The following CRB2 variants were observed in gnomAD, a reference collection of about 807,000 sequenced individuals.
The protein encoded by CRB2 is crumbs cell polarity complex component 2.
A neutral mutation model predicts 110.9 loss-of-function variants in CRB2; 85 were observed. That is an observed-to-expected ratio of 0.77 (90% confidence interval 0.64 to 0.92). CRB2 has a LOEUF of 0.92. Among genes scored for constraint, CRB2 ranks in the 40% least tolerant of loss-of-function variants. The pLI is 0.00. For synonymous variants in CRB2, 907 were observed against 831.0 expected (o/e 1.09, Z -1.57); for missense variants, 1,843 against 1,851.3 (o/e 1.00, Z 0.08).
chr9:123,367,113 T>C, intron 4 of CRB2, 59 bp from the exon 5 acceptor site: 1 of 1,492,096 alleles, frequency 6.7e-7, no homozygotes, highest in Non-Finnish European at 8.9e-7. Context: ...CTGGTCATAG[T>C]GAAGAGGTGC....
At chr9:123,367,868 C>G (rs986820220) in intron 6 of CRB2, among the ~76,000 whole-genome samples, 182 bp downstream of exon 6, 38 of 152,004 alleles carry the variant, frequency 2.5e-4, no homozygotes, top group African/African-American at 9.2e-4. Context: ...GAGACTGGGG[C>G]TCAGGAGTGT....
Position 123,371,557 on chromosome 9 carries a change from C to T in CRB2, c.2415C>T (p.Cys805=), listed in dbSNP as rs373236875. ...GRQSWNLTAG[C]VSEDMCSPDP... ...AGTCCTGGAACCTCACTGCGGGCTG[C>T]GTCTCCGAGGACATGTGCAGTGTAA... Residue 805 remains cysteine, a synonymous_variant, in exon 8 of 13, where the codon TGC becomes TGT. Transcript: ENST00000373631. 58 of 1,612,872 alleles carry T rather than the reference C, an allele frequency of 3.6e-5. No individual in the cohort carries two copies. The highest frequency in any genetic ancestry group is 4.4e-5 in the South Asian group (4 of 91,088).
At position 123,364,320 on chromosome 9, in the gene CRB2, G is replaced by A. The variant is rs111988487; in HGVS notation, c.418+1132G>A. ...TGCATGTGTGGGCAGTGGGTTGTTC[G>A]GGCAGTGGGTTGTGTGGGCAGTGGG... On this transcript the variant is annotated intron_variant, in intron 2 of 12. Transcript: ENST00000373631. 1.6e-3 allele frequency among the ~76,000 whole-genome samples: 237 copies of A among 152,056 alleles called. 1 individual carries two copies. The highest frequency in any genetic ancestry group is 5.5e-3 in the African/African-American group (230 of 41,500).
intron 4 of CRB2, among the ~76,000 whole-genome samples, 167 bp downstream of exon 4, chr9:123,366,533 C>T (rs886451569): frequency 1.3e-5 from 2 of 152,214 alleles, no homozygotes; most frequent in Non-Finnish European, 1.5e-5. Context: ...TCCTGATCTA[C>T]AAAATAGGGC....
At position 123,367,337 on chromosome 9, in the gene CRB2, A is replaced by G; in HGVS notation, c.920A>G (p.His307Arg). ...CGCCATGCTGCGGGTTTCCTGTGCC[A>G]CTGCCCTCCTGGCTTTGAGGGTGAG... ...SFRHAAGFLC[H>R]CPPGFEGADC... The change falls in exon 5 of 13, where the codon CAC (histidine) becomes CGC (arginine). Residue 307 changes from histidine (H) to arginine (R), a missense_variant. His to Arg is a conservative substitution (Grantham distance 29). Transcript: ENST00000373631. The G allele has an allele frequency of 5.6e-6, 9 of 1,603,026 alleles. No homozygotes were observed. The highest frequency in any genetic ancestry group is 7.6e-6 in the Non-Finnish European group (9 of 1,179,550).
intron 6 of CRB2, among the ~76,000 whole-genome samples, chr9:123,369,269 C>G (rs1038758925): frequency 2.0e-5 from 3 of 152,190 alleles, no homozygotes; most frequent in Admixed American, 6.5e-5. Flanking sequence ...GGTACTTGCA[C>G]TACCCCACTA....
chr9:123,376,410 A>C (rs1277741119), intron 12 of CRB2, among the ~76,000 whole-genome samples: 1 of 152,106 alleles, frequency 6.6e-6, no homozygotes, highest in Non-Finnish European at 1.5e-5. Context: ...AGCTGTCATA[A>C]CAGCCCCTCG....
chr9:123,374,534 G>A (rs749629574), intron 10 of CRB2, 45 bp from the exon 11 acceptor site: 2 of 1,433,480 alleles, frequency 1.4e-6, no homozygotes, highest in Admixed American at 3.4e-5. Context: ...GGGAGGGCAG[G>A]TCCCAGGTGT....
Position 123,377,179 on chromosome 9 carries a change from A to G in CRB2, c.*117A>G. 1.1e-5 allele frequency: 11 copies of G among 979,122 alleles called. No homozygotes were observed. Among genetic ancestry groups the G allele is most frequent in the Non-Finnish European group, 1.6e-5 (11 of 678,696 alleles). The allele number at this position is 979,122 out of a possible 1,614,324, so 60.7% of individuals were successfully genotyped here. On this transcript the variant is annotated 3_prime_UTR_variant, in exon 13 of 13. Transcript: ENST00000373631. ...CTACGGAAGTGTCCCCTTGGCTGGC[A>G]GCCTCTGCCTCTGCCTCTGCCCCAT...
At chr9:123,374,551 C>G in intron 10 of CRB2, 28 bp from the exon 11 acceptor site, 3 of 1,558,146 alleles carry the variant, frequency 1.9e-6, no homozygotes, top group Middle Eastern at 3.4e-4. Context: ...GTGTCCTGCA[C>G]CCACTCCAGC....
At position 123,371,288 on chromosome 9, in the gene CRB2, G is replaced by GTGC; in HGVS notation, c.2148_2150dup (p.Leu717dup). ...TGAGGTGCCGGGCAGTCCTGCTGTA[G>GTGC]TGCTCCCTGGGCGCTGGGATGATGG... On this transcript the variant is annotated inframe_insertion, in exon 8 of 13. Transcript: ENST00000373631. 1 of 1,613,688 alleles carries GTGC rather than the reference G, an allele frequency of 6.2e-7. No individual in the cohort carries two copies. Among genetic ancestry groups the GTGC allele is most frequent in the Non-Finnish European group, 8.5e-7 (1 of 1,179,878 alleles).
chr9:123,368,166 G>A (rs910843219), intron 6 of CRB2, among the ~76,000 whole-genome samples: 7 of 152,192 alleles, frequency 4.6e-5, no homozygotes, highest in South Asian at 2.1e-4. Flanking sequence ...AACACTGAAC[G>A]TCCCTGCCCC....
Position 123,377,421 on chromosome 9 carries a change from A to T in CRB2, c.*359A>T, listed in dbSNP as rs1249825630. On this transcript the variant is annotated 3_prime_UTR_variant, in exon 13 of 13. Transcript: ENST00000373631. ...GTGTTAGTCTGCAGATGCTAGTGTGAGTGTGTCCTGACATGGCTCCAGGGC... is the reference window on the plus strand; with the variant it reads ...GTGTTAGTCTGCAGATGCTAGTGTGTGTGTGTCCTGACATGGCTCCAGGGC... The T allele has an allele frequency of 1.4e-5, 3 of 216,592 alleles. No homozygotes were observed. The highest frequency in any genetic ancestry group is 9.1e-6 in the Non-Finnish European group (1 of 110,478). The allele number at this position is 216,592 out of a possible 1,614,324, so 13.4% of individuals were successfully genotyped here. A position where few individuals can be genotyped will look rare whatever the true frequency, so the allele number is the denominator to read the frequency against.
chr9:123,377,567 T>G lies in CRB2; in HGVS notation c.*505T>G, dbSNP rs2042122361. Reference sequence around the variant, plus strand: ...AGGGCAGGGGCGGCCCAAGGCTGCATGTTCTCCAGGAGGCCAGGCCGGGGT... The same window carrying G: ...AGGGCAGGGGCGGCCCAAGGCTGCAGGTTCTCCAGGAGGCCAGGCCGGGGT... On this transcript the variant is annotated 3_prime_UTR_variant, in exon 13 of 13. Coordinates refer to ENST00000373631, the MANE Select transcript of CRB2 (RefSeq NM_173689.7). The G allele has an allele frequency of 6.5e-6, 1 of 152,714 alleles. No homozygotes were observed. Among genetic ancestry groups the G allele is most frequent in the Non-Finnish European group, 1.5e-5 (1 of 68,306 alleles). The allele number at this position is 152,714 out of a possible 1,614,324, so 9.5% of individuals were successfully genotyped here.
rs772057704 is a variant in CRB2 at position 123,373,584 on chromosome 9, C to T, written c.3053C>T (p.Ala1018Val). 1.5e-5 allele frequency: 22 copies of T among 1,447,114 alleles called. No homozygotes were observed. The highest frequency in any genetic ancestry group is 2.8e-5 in the South Asian group (2 of 71,660). The allele number at this position is 1,447,114 out of a possible 1,614,324, so 89.6% of individuals were successfully genotyped here. A position where few individuals can be genotyped will look rare whatever the true frequency, so the allele number is the denominator to read the frequency against. ...TTCACCGGCTGCTTGGGCCGCGTGG[C>T]GCTGGGCGGCCTGCCCCTGCCCTTG... ...ENFTGCLGRV[A>V]LGGLPLPLAR... Residue 1018 changes from alanine (A) to valine (V), a missense_variant, in exon 10 of 13, where the codon GCG becomes GTG. Transcript: ENST00000373631.
chr9:123,354,305 G>T (rs952460757), upstream of CRB2, among the ~76,000 whole-genome samples: 1 of 152,248 alleles, frequency 6.6e-6, no homozygotes, highest in Non-Finnish European at 1.5e-5. Context: ...ACCTGCGCCG[G>T]GTGACCTCCC....
At chr9:123,378,958 T>TGCCTGCTTTTAGTAGAGACGG (rs2042156329), downstream of CRB2, among the ~76,000 whole-genome samples, 1 of 151,460 alleles carries the variant, frequency 6.6e-6, no homozygotes, top group South Asian at 2.1e-4. Context: ...GGATTACAGG[T>TGCCTGCTTTTAGTAGAGACGG]GCCTGCTTTT....
rs753150761 is a variant in CRB2 at position 123,378,296 on chromosome 9, C to T, written c.*1234C>T. On this transcript the variant is annotated 3_prime_UTR_variant, in exon 13 of 13. Coordinates refer to ENST00000373631, the MANE Select transcript of CRB2 (RefSeq NM_173689.7). ...TGCCCATCACACTGTGACCTCCCAT[C>T]CCTGAAGGGCACCTGCCTGAGGGCC... The T allele has an allele frequency of 1.4e-4, 21 of 152,356 alleles. No homozygotes were observed. The highest frequency in any genetic ancestry group is 2.7e-4 in the African/African-American group (11 of 41,478). 9.4% of individuals were successfully genotyped at this position (152,356 alleles called of 1,614,324 possible). A position where few individuals can be genotyped will look rare whatever the true frequency, so the allele number is the denominator to read the frequency against.
chr9:123,371,638 C>T, intron 8 of CRB2, 60 bp downstream of exon 8: 2 of 1,599,300 alleles, frequency 1.3e-6, no homozygotes, highest in Non-Finnish European at 8.5e-7. Flanking sequence ...AGGATCTGTC[C>T]TGTGTCACCG....
Sources: allele counts gnomAD v4.1 joint callset (sites outside exome capture counted in the v4.1 genomes callset), GRCh38; gene constraint gnomAD v4.1.1; transcripts MANE v1.5; gene names NCBI Gene and HGNC (gene_info 2026-07-23, HGNC 2026-07-21).